MTMR3: variants seen among roughly 807,000 people sequenced by gnomAD.
MTMR3 encodes myotubularin related protein 3.
In MTMR3, 32 loss-of-function variants were observed where a neutral mutation model predicts 132.4. The ratio of observed to expected loss-of-function variants is 0.24; its 90% confidence interval spans 0.18 to 0.32. MTMR3 has a LOEUF of 0.32. Ranked by LOEUF, MTMR3 falls within the 10% of genes least tolerant of loss-of-function variation. The pLI, the probability that MTMR3 is intolerant of heterozygous loss-of-function variation, is 1.00. For missense variants in MTMR3, 1,216 were observed against 1,489.6 expected (o/e 0.82, Z 3.02); for synonymous variants, 556 against 550.3 (o/e 1.01, Z -0.14).
chr22:29,927,407 T>A (rs2065538307), intron 1 of MTMR3, among the ~76,000 whole-genome samples: 2 of 152,322 alleles, frequency 1.3e-5, no homozygotes, highest in Middle Eastern at 3.4e-3. Context: ...GATAGAAAGA[T>A]TGCATTGAAT....
intron 2 of MTMR3, among the ~76,000 whole-genome samples, chr22:29,963,877 G>C (rs190676950): frequency 6.6e-6 from 1 of 151,128 alleles, no homozygotes; most frequent in Non-Finnish European, 1.5e-5. Context: ...GTACTAATAC[G>C]TGCTTCAAAA....
At chr22:30,019,294 A>C in intron 16 of MTMR3, 186 bp from the exon 17 acceptor site, 1 of 603,434 alleles carries the variant, frequency 1.7e-6, no homozygotes, top group Non-Finnish European at 2.9e-6. Context: ...AAATCTGCAC[A>C]CTAGGAGGAC....
At chr22:29,926,997 G>A (rs1028938551) in intron 1 of MTMR3, among the ~76,000 whole-genome samples, 2 of 152,186 alleles carry the variant, frequency 1.3e-5, no homozygotes, top group Non-Finnish European at 2.9e-5. Context: ...TGTCTATTTT[G>A]AGTTAATTTT....
intron 5 of MTMR3, chr22:29,985,954 C>G (rs1297939549): frequency 6.6e-6 from 1 of 152,018 alleles, no homozygotes; most frequent in East Asian, 1.9e-4. Context: ...CTTACCTGTT[C>G]TTTGTAGCAA....
chr22:30,027,406 TCA>T lies in MTMR3; in HGVS notation c.*1606_*1607del, dbSNP rs899871118. ...GGCCCAGAAGGCTTCCCTGGTGCTC[TCA>T]GTCCAGGCAAAGCCCAGAGCATCTG... On this transcript the variant is annotated 3_prime_UTR_variant, in exon 20 of 20. Transcript: ENST00000401950. 6.5e-6 allele frequency: 1 copy of T among 152,788 alleles called. No homozygotes were observed. 9.5% of individuals were successfully genotyped at this position (152,788 alleles called of 1,614,324 possible). A position where few individuals can be genotyped will look rare whatever the true frequency, so the allele number is the denominator to read the frequency against.
At chr22:29,957,547 G>A (rs1459613708) in intron 2 of MTMR3, among the ~76,000 whole-genome samples, 6 of 151,886 alleles carry the variant, frequency 4.0e-5, no homozygotes, top group Non-Finnish European at 8.8e-5. Context: ...GAACCCCTGG[G>A]CTACAGCAAT....
chr22:29,923,497 C>G (rs1031505888), intron 1 of MTMR3, among the ~76,000 whole-genome samples: 8 of 152,250 alleles, frequency 5.3e-5, no homozygotes, highest in Admixed American at 2.0e-4. Flanking sequence ...AGCCATTGCA[C>G]TTGGCCAACT....
intron 2 of MTMR3, among the ~76,000 whole-genome samples, chr22:29,959,031 T>A (rs2066255529): frequency 6.6e-6 from 1 of 152,230 alleles, no homozygotes; most frequent in South Asian, 2.1e-4. Flanking sequence ...AGTTGCTCCG[T>A]GTATTACTTG....
chr22:29,959,640 A>G (rs2066269663), intron 2 of MTMR3, among the ~76,000 whole-genome samples: 1 of 152,166 alleles, frequency 6.6e-6, no homozygotes, highest in Non-Finnish European at 1.5e-5. Flanking sequence ...CAGACTCCCA[A>G]AGTGCTGGGA....
chr22:29,941,592 T>G (rs2145811968), intron 1 of MTMR3, among the ~76,000 whole-genome samples: 1 of 152,358 alleles, frequency 6.6e-6, no homozygotes, highest in East Asian at 1.9e-4. Flanking sequence ...TTAATTTTAG[T>G]TAGTTCAGTG....
chr22:30,008,339 C>A (rs2067320715), intron 11 of MTMR3: 1 of 241,752 alleles, frequency 4.1e-6, no homozygotes, highest in Admixed American at 5.0e-5. Context: ...TTAGTGGGCT[C>A]AATTTCTCAG....
chr22:29,928,360 C>T (rs1011092625), intron 1 of MTMR3, among the ~76,000 whole-genome samples: 4 of 151,576 alleles, frequency 2.6e-5, no homozygotes, highest in Non-Finnish European at 4.4e-5. Flanking sequence ...TTAGTAGAGA[C>T]GGGGTTTCAT....
In MTMR3 at chr22:29,953,023, C is replaced by T. The variant is rs187184355; in HGVS notation, c.-137-4013C>T. On this transcript the variant is annotated intron_variant, in intron 1 of 19. Coordinates refer to ENST00000401950, the MANE Select transcript of MTMR3 (RefSeq NM_021090.4). Reference sequence around the variant, plus strand: ...CACCTCTTGAATTTTTAAAATACTGCCTCTACACTCAAATTTTTCTCTGGA... The same window carrying T: ...CACCTCTTGAATTTTTAAAATACTGTCTCTACACTCAAATTTTTCTCTGGA... 7.9e-5 allele frequency among the ~76,000 whole-genome samples: 12 copies of T among 152,150 alleles called. No homozygotes were observed. In the East Asian group the frequency reaches 1.2e-3, roughly 15 times the overall value.
At chr22:30,005,909 C>T (rs2067264587) in intron 9 of MTMR3, 1 of 152,086 alleles carries the variant, frequency 6.6e-6, no homozygotes, top group Non-Finnish European at 1.5e-5. Context: ...TTTAAGTAAC[C>T]CCAACTTAGA....
intron 1 of MTMR3, among the ~76,000 whole-genome samples, chr22:29,909,817 A>T (rs1020322400): frequency 6.6e-6 from 1 of 152,220 alleles, no homozygotes; most frequent in African/African-American, 2.4e-5. Context: ...AAAACAGAGT[A>T]TCATTTTCTT....
chr22:29,978,799 T>C, intron 4 of MTMR3, 137 bp from the exon 5 acceptor site: 2 of 705,790 alleles, frequency 2.8e-6, no homozygotes, highest in South Asian at 3.6e-5. Context: ...CCATCCTCTT[T>C]AGCTTCCTTA....
At chr22:29,967,242 C>CGT (rs1444681905) in intron 2 of MTMR3, among the ~76,000 whole-genome samples, 13 of 146,612 alleles carry the variant, frequency 8.9e-5, no homozygotes, top group South Asian at 2.2e-4. Flanking sequence ...TGCATGCGCG[C>CGT]GCGCGCGCAT....
intron 1 of MTMR3, among the ~76,000 whole-genome samples, chr22:29,915,140 T>G (rs2065284237): frequency 1.3e-5 from 2 of 152,238 alleles, no homozygotes; most frequent in African/African-American, 4.8e-5. Context: ...TCATATATTT[T>G]GAAGTTCTGT....
chr22:29,965,184 A>T (rs1257374551), intron 2 of MTMR3, among the ~76,000 whole-genome samples: 1 of 151,858 alleles, frequency 6.6e-6, no homozygotes, highest in African/African-American at 2.4e-5. Flanking sequence ...CTGCGATGGT[A>T]TATAAGTTGT....
Sources: gnomAD v4.1 joint callset for allele counts (sites outside exome capture counted in the v4.1 genomes callset) on GRCh38, gnomAD v4.1.1 for gene constraint, MANE v1.5 for transcripts, NCBI Gene and HGNC (gene_info 2026-07-23, HGNC 2026-07-21) for gene names.